EVC: variants seen among roughly 807,000 people sequenced by gnomAD.
EVC encodes the protein EvC ciliary complex subunit 1, also known as evC complex member EVC.
In EVC, 116 loss-of-function variants were observed where a neutral mutation model predicts 118.9. The observed-to-expected ratio is 0.98, with a 90% CI of 0.84 to 1.14. EVC has a LOEUF of 1.14. Among genes scored for constraint, EVC ranks in the 50% most tolerant of loss-of-function variants. EVC has a pLI of 0.00. For synonymous variants in EVC, 619 were observed against 534.7 expected (o/e 1.16, Z -2.18); for missense variants, 1,401 against 1,246.4 (o/e 1.12, Z -1.87).
At chr4:5,712,634 G>C (rs768466975) in intron 1 of EVC, among the ~76,000 whole-genome samples, 1 of 152,218 alleles carries the variant, frequency 6.6e-6, no homozygotes, top group African/African-American at 2.4e-5. Flanking sequence ...ATCTTGTGCG[G>C]TTTCCATGTA....
At chr4:5,734,374 C>T (rs1266863801) in intron 5 of EVC, among the ~76,000 whole-genome samples, 1 of 152,100 alleles carries the variant, frequency 6.6e-6, no homozygotes, top group Non-Finnish European at 1.5e-5. Flanking sequence ...GGCATGGTGG[C>T]TCACGACTAT....
At chr4:5,714,668 G>A (rs749348325) in intron 1 of EVC, among the ~76,000 whole-genome samples, 3 of 152,138 alleles carry the variant, frequency 2.0e-5, no homozygotes, top group Non-Finnish European at 2.9e-5. Flanking sequence ...TTTGTATTCA[G>A]TGTTTCCATT....
intron 12 of EVC, among the ~76,000 whole-genome samples, chr4:5,785,618 G>A (rs1736304952): frequency 6.6e-6 from 1 of 152,176 alleles, no homozygotes; most frequent in Non-Finnish European, 1.5e-5. Context: ...GCATCCGGTT[G>A]CCCTGTCGTA....
intron 11 of EVC, among the ~76,000 whole-genome samples, chr4:5,772,615 G>A (rs959779806): frequency 6.6e-6 from 1 of 151,392 alleles, no homozygotes; most frequent in African/African-American, 2.5e-5. Context: ...TCCACAAGAT[G>A]CCCCCAACCT....
At position 5,733,394 on chromosome 4, in the gene EVC, C is replaced by G. The variant is rs770414518; in HGVS notation, c.661C>G (p.Leu221Val). The G allele has an allele frequency of 6.2e-7, 1 of 1,613,942 alleles. No individual in the cohort carries two copies. The highest frequency in any genetic ancestry group is 1.3e-5 in the African/African-American group (1 of 74,898). Residue 221 changes from leucine (L) to valine (V), a missense_variant, in exon 5 of 21, where the codon CTG (leucine) becomes GTG (valine). Physicochemically the swap from Leu to Val is conservative, Grantham distance 32 (BLOSUM62 1). Coordinates refer to ENST00000264956, the MANE Select transcript of EVC (RefSeq NM_153717.3). ...LCIYSLHLKDLLHLDTALRQE... is the reference protein window; with the variant it reads ...LCIYSLHLKDVLHLDTALRQE... ...TATCTACAGCCTTCACTTAAAAGAC[C>G]TGCTGCATTTGGACACGGCACTGAG... is the stretch of plus-strand genomic sequence containing the variant.
intron 11 of EVC, among the ~76,000 whole-genome samples, chr4:5,761,842 G>A (rs1732078440): frequency 6.6e-6 from 1 of 151,820 alleles, no homozygotes; most frequent in Non-Finnish European, 1.5e-5. Flanking sequence ...CAGCTTCCAA[G>A]GTTTCTCTGG....
At chr4:5,806,318 G>A (rs572759963) in intron 17 of EVC, among the ~76,000 whole-genome samples, 1 of 151,848 alleles carries the variant, frequency 6.6e-6, no homozygotes, top group East Asian at 1.9e-4. Context: ...CTGACCTCAG[G>A]TGATTCACCC....
In EVC at chr4:5,755,186, C is replaced by T. The variant is rs763319669; in HGVS notation, c.1465-1078C>T. 2.0e-5 allele frequency among the ~76,000 whole-genome samples: 3 copies of T among 152,164 alleles called. No homozygotes were observed. The highest frequency in any genetic ancestry group is 4.4e-5 in the Non-Finnish European group (3 of 68,032). The stretch of plus-strand genomic sequence containing the variant: ...CATTTGAAATAAGAGGAAGATAAGG[C>T]TATTCAGCTCCTCGTTATTTGGATA... On this transcript the variant is annotated intron_variant, in intron 10 of 20. Coordinates refer to ENST00000264956, the MANE Select transcript of EVC (RefSeq NM_153717.3). This position sits in a 1 kb window ranked among gnomAD's most constrained non-coding sequence, Gnocchi z 4.1.
chr4:5,769,329 ACT>A (rs1292520112), intron 11 of EVC, among the ~76,000 whole-genome samples: 1 of 152,112 alleles, frequency 6.6e-6, no homozygotes, highest in African/African-American at 2.4e-5. Flanking sequence ...CACCCCAGTG[ACT>A]CAGTTACCTC....
At position 5,756,217 on chromosome 4, in the gene EVC, A is replaced by AC. The variant is rs761247731; in HGVS notation, c.1465-47_1465-46insC. 8.8e-6 allele frequency: 13 copies of AC among 1,470,710 alleles called. No individual in the cohort carries two copies. Among genetic ancestry groups the AC allele is most frequent in the South Asian group, 1.2e-5 (1 of 81,392 alleles). 91.1% of individuals were successfully genotyped at this position (1,470,710 alleles called of 1,614,324 possible). On this transcript the variant is annotated intron_variant, in intron 10 of 20. Transcript: ENST00000264956. The surrounding 1 kb of genome is among the most constrained non-coding windows in gnomAD (Gnocchi z 4.2). ...GGAGAACCTTCTGGAAAAAAAAAAA[A>AC]AAACCCTGCATGTTTCTACCAGACT...
rs1431525191 is a variant in EVC, at chr4:5,754,341, C to T, written c.1464+408C>T. On this transcript the variant is annotated intron_variant, in intron 10 of 20. Coordinates refer to ENST00000264956, the MANE Select transcript of EVC (RefSeq NM_153717.3). The surrounding 1 kb of genome is among the most constrained non-coding windows in gnomAD (Gnocchi z 5.8). ...GGCCCTTGTGGGTCGGCTGCAAGTC[C>T]AGGAGAAGGAAGGGAGTTCCCAGCC... Among the ~76,000 whole-genome samples, 1 of 152,122 alleles carries T rather than the reference C, an allele frequency of 6.6e-6. No homozygotes were observed. Among genetic ancestry groups the T allele is most frequent in the Non-Finnish European group, 1.5e-5 (1 of 68,032 alleles).
intron 11 of EVC, among the ~76,000 whole-genome samples, chr4:5,781,275 T>TGG (rs1735562497): frequency 6.6e-6 from 1 of 151,952 alleles, no homozygotes; most frequent in South Asian, 2.1e-4. Context: ...CGTGCTTGGT[T>TGG]GGGGAGGATA....
chr4:5,813,830 C>T lies in EVC; in HGVS notation c.*2793C>T, dbSNP rs964427596. The T allele has an allele frequency of 6.6e-6, 1 of 152,266 alleles. No homozygotes were observed. Among genetic ancestry groups the T allele is most frequent in the Non-Finnish European group, 1.5e-5 (1 of 68,058 alleles). 9.4% of individuals were successfully genotyped at this position (152,266 alleles called of 1,614,324 possible). ...TTGCTCGACCCTGGCCCACCCTTGC[C>T]GCCCAGCTGTTGTGCTGGGCACAGT... On this transcript the variant is annotated 3_prime_UTR_variant, in exon 21 of 21. Transcript: ENST00000264956.
At position 5,756,240 on chromosome 4, in the gene EVC, A is replaced by T. The variant is rs1191914169; in HGVS notation, c.1465-24A>T. 6.3e-7 allele frequency: 1 copy of T among 1,575,420 alleles called. No homozygotes were observed. Among genetic ancestry groups the T allele is most frequent in the Non-Finnish European group, 8.7e-7 (1 of 1,151,020 alleles). On this transcript the variant is annotated intron_variant, in intron 10 of 20. Transcript: ENST00000264956. This position sits in a 1 kb window ranked among gnomAD's most constrained non-coding sequence, Gnocchi z 4.2. Reference sequence around the variant, plus strand: ...AAAAAACCCTGCATGTTTCTACCAGACTCAGCTCTTGTTTTCCTCACAGGC... The same window carrying T: ...AAAAAACCCTGCATGTTTCTACCAGTCTCAGCTCTTGTTTTCCTCACAGGC...
the EVC span, chr4:5,821,694 C>T: frequency 1.4e-6 from 2 of 1,464,274 alleles, no homozygotes; most frequent in Non-Finnish European, 9.3e-7. The surrounding 1 kb of genome is among the most constrained non-coding windows in gnomAD (Gnocchi z 4.4). Context: ...TTCAAAAACA[C>T]TGACAGGAAA....
At chr4:5,787,211 T>C (rs1711827758) in intron 12 of EVC, among the ~76,000 whole-genome samples, 1 of 152,266 alleles carries the variant, frequency 6.6e-6, no homozygotes, top group Admixed American at 6.5e-5. Flanking sequence ...ATTTCTGCTC[T>C]CAGTCCCCTT....
At chr4:5,824,799 G>A in the EVC span, 1 of 985,324 alleles carries the variant, frequency 1.0e-6, no homozygotes, top group Non-Finnish European at 1.2e-6. Flanking sequence ...CAAAGAGTTT[G>A]CAGGACAAAA....
chr4:5,727,646 A>C (rs201571593), intron 2 of EVC, among the ~76,000 whole-genome samples: 34,782 of 150,052 alleles, frequency 0.23, 4,072 homozygotes, highest in African/African-American at 0.27. Context: ...AAGTCCTTGC[A>C]CATGCCTATG....
chr4:5,794,423 T>C (rs1713546289), intron 13 of EVC, among the ~76,000 whole-genome samples: 1 of 148,184 alleles, frequency 6.7e-6, no homozygotes, highest in Non-Finnish European at 1.5e-5. Flanking sequence ...TTCTTTTTTC[T>C]CGAGACAGAC....
Sources: gnomAD v4.1 joint callset for allele counts (sites outside exome capture counted in the v4.1 genomes callset) on GRCh38, gnomAD v4.1.1 for gene constraint, Gnocchi (gnomAD v3.1) non-coding constraint, MANE v1.5 for transcripts, NCBI Gene and HGNC (gene_info 2026-07-23, HGNC 2026-07-21) for gene names.